Variants in PHF19 observed in about 807,000 individuals in gnomAD.
The protein encoded by PHF19 is PHD finger protein 19.
Under a neutral mutation model 79.8 loss-of-function variants are expected in PHF19, and 21 were observed. The ratio of observed to expected loss-of-function variants is 0.26; its 90% CI spans 0.19 to 0.38. The LOEUF (loss-of-function observed/expected upper bound fraction) is 0.38, where lower values mean the gene tolerates loss of function less well. Ranked by LOEUF, PHF19 falls within the 10% of genes least tolerant of loss-of-function variation. The pLI, the probability that PHF19 is intolerant of heterozygous loss-of-function variation, is 1.00. For synonymous variants in PHF19, 273 were observed against 296.3 expected (o/e 0.92, Z 0.81); for missense variants, 445 against 744.2 (o/e 0.60, Z 4.68).
chr9:120,867,915 C>G (rs188862735), intron 6 of PHF19, among the ~76,000 whole-genome samples: 310 of 152,324 alleles, frequency 2.0e-3, no homozygotes, highest in African/African-American at 7.2e-3. Context: ...GCAAGCTCAA[C>G]TGCCATGGCT....
chr9:120,861,814 G>T, intron 12 of PHF19, 104 bp downstream of exon 12: 1 of 814,676 alleles, frequency 1.2e-6, no homozygotes, highest in Non-Finnish European at 2.2e-6. Flanking sequence ...TAAGGGACAT[G>T]AGAGAGTCCT....
At chr9:120,892,823 AG>A (rs1327579238) in intron 1 of PHF19, among the ~76,000 whole-genome samples, 1 of 152,234 alleles carries the variant, frequency 6.6e-6, no homozygotes, top group African/African-American at 2.4e-5. Flanking sequence ...GCTGAAAAAA[AG>A]GGTTATTGAA....
rs528447037 is a variant in PHF19, at chr9:120,871,806, G to A, written c.269-1268C>T. ...TGTAATCCCAGCACTTTGGGAGGCC[G>A]AGGCGGGCGGATCACAAGGTCACGA... On this transcript the variant is annotated intron_variant, in intron 3 of 14. Transcript: ENST00000373896. 3.4e-4 allele frequency among the ~76,000 whole-genome samples: 51 copies of A among 152,012 alleles called. 1 individual carries two copies. The highest frequency in any genetic ancestry group is 9.7e-5 in the African/African-American group (4 of 41,376).
At chr9:120,898,877 T>C (rs995702358), upstream of PHF19, among the ~76,000 whole-genome samples, 1 of 152,176 alleles carries the variant, frequency 6.6e-6, no homozygotes, top group African/African-American at 2.4e-5. Context: ...TGTCTGGCAC[T>C]AGCTAAGCAC....
At chr9:120,864,547 T>C (rs1205102834) in intron 9 of PHF19, among the ~76,000 whole-genome samples, 3 of 148,964 alleles carry the variant, frequency 2.0e-5, no homozygotes, top group Admixed American at 6.6e-5. Flanking sequence ...GCCATGAAAT[T>C]TGGCGGGCGC....
At chr9:120,889,549 T>C (rs913829100) in intron 1 of PHF19, among the ~76,000 whole-genome samples, 34 of 151,840 alleles carry the variant, frequency 2.2e-4, no homozygotes, top group African/African-American at 8.2e-4. Flanking sequence ...AAGGCCAGCC[T>C]GGGCCACATG....
At chr9:120,861,213 G>A (rs769590263) in intron 12 of PHF19, 39 bp from the exon 13 acceptor site, 5 of 1,193,470 alleles carry the variant, frequency 4.2e-6, no homozygotes, top group South Asian at 3.6e-5. Context: ...GTCAGACAGC[G>A]AGTATCAAAT....
chr9:120,890,200 C>T (rs1363748331), intron 1 of PHF19, among the ~76,000 whole-genome samples: 3 of 150,062 alleles, frequency 2.0e-5, no homozygotes, highest in East Asian at 3.9e-4. Context: ...CTCAGCTTTG[C>T]AGAATAAAAA....
intron 14 of PHF19, among the ~76,000 whole-genome samples, chr9:120,859,447 G>T (rs2045453171): frequency 6.6e-6 from 1 of 151,906 alleles, no homozygotes; most frequent in South Asian, 2.1e-4. Flanking sequence ...TTCTACTTTT[G>T]CAAGGGCCTC....
chr9:120,900,589 C>G, the PHF19 span, among the ~76,000 whole-genome samples: 1 of 151,964 alleles, frequency 6.6e-6, no homozygotes, highest in East Asian at 1.9e-4. Context: ...CTTTTTTGGA[C>G]AGGGTCTTGC....
At chr9:120,901,038 G>T in the PHF19 span, among the ~76,000 whole-genome samples, 2 of 152,224 alleles carry the variant, frequency 1.3e-5, no homozygotes, top group South Asian at 4.1e-4. Flanking sequence ...GCCCTCCTGG[G>T]GTGCTGCCAG....
At chr9:120,886,413 C>T (rs947009752) in intron 1 of PHF19, among the ~76,000 whole-genome samples, 2 of 152,170 alleles carry the variant, frequency 1.3e-5, no homozygotes, top group Admixed American at 6.5e-5. Context: ...TAGAGAAATG[C>T]GAAGGCAGCT....
intron 1 of PHF19, among the ~76,000 whole-genome samples, chr9:120,875,182 C>T (rs1477290085): frequency 1.3e-5 from 2 of 152,154 alleles, no homozygotes; most frequent in African/African-American, 4.8e-5. Flanking sequence ...TTACCCCCAA[C>T]CCCTGCAACC....
intron 1 of PHF19, among the ~76,000 whole-genome samples, chr9:120,887,178 G>C (rs543979716): frequency 1.8e-4 from 28 of 152,080 alleles, no homozygotes; most frequent in Non-Finnish European, 3.7e-4. Context: ...TTTCTGGCTG[G>C]GTGCGGTGGC....
At chr9:120,889,343 T>C (rs536105195) in intron 1 of PHF19, among the ~76,000 whole-genome samples, 1 of 151,040 alleles carries the variant, frequency 6.6e-6, no homozygotes, top group South Asian at 2.1e-4. Context: ...GAAGAATCAC[T>C]TGAACCTGGG....
rs991139312 is a variant in PHF19, at chr9:120,864,261, G to GCCTTT, written c.901-150_901-146dup. 4 of 675,366 alleles carry GCCTTT rather than the reference G, an allele frequency of 5.9e-6. No homozygotes were observed. In the African/African-American group the frequency reaches 7.2e-5, roughly 12 times the overall value. 41.8% of individuals were successfully genotyped at this position (675,366 alleles called of 1,614,324 possible). ...TGACTCACTCCAGGATCTCAGAAAA[G>GCCTTT]CCTTTTCACCTCTCCAAGTTCATTC... On this transcript the variant is annotated intron_variant, in intron 9 of 14. Coordinates refer to ENST00000373896, the MANE Select transcript of PHF19 (RefSeq NM_015651.3).
At chr9:120,892,416 T>A (rs1325600799) in intron 1 of PHF19, among the ~76,000 whole-genome samples, 1 of 152,120 alleles carries the variant, frequency 6.6e-6, no homozygotes, top group Non-Finnish European at 1.5e-5. Flanking sequence ...GGGAGGCTGT[T>A]TGGGGACATT....
chr9:120,899,873 C>T (rs916657541), upstream of PHF19, among the ~76,000 whole-genome samples: 3 of 152,242 alleles, frequency 2.0e-5, no homozygotes, highest in Admixed American at 6.5e-5. Flanking sequence ...GTGCAGGACA[C>T]TGCCCTTCCA....
chr9:120,894,783 C>A, intron 1 of PHF19: 1 of 1,228,510 alleles, frequency 8.1e-7, no homozygotes, highest in East Asian at 3.2e-5. Flanking sequence ...ATCTCCCGGA[C>A]CCACCTGGGC....
Sources: gnomAD v4.1 joint callset for allele counts (sites outside exome capture counted in the v4.1 genomes callset) on GRCh38, gnomAD v4.1.1 for gene constraint, MANE v1.5 for transcripts, NCBI Gene and HGNC (gene_info 2026-07-23, HGNC 2026-07-21) for gene names.